GATAD2B: variants seen among roughly 807,000 people sequenced by gnomAD.
The protein encoded by GATAD2B is GATA zinc finger domain containing 2B.
A neutral mutation model predicts 64.3 loss-of-function variants in GATAD2B; 8 were observed. The observed-to-expected ratio is 0.12, with a 90% confidence interval of 0.07 to 0.22. The LOEUF (loss-of-function observed/expected upper bound fraction) is 0.22. Among genes scored for constraint, GATAD2B ranks in the 10% least tolerant of loss-of-function variants. The probability of loss-of-function intolerance (pLI) is 1.00; values close to 1 mark genes in which losing one functional copy is unlikely to be tolerated. For missense variants in GATAD2B, 453 were observed against 752.0 expected (o/e 0.60, Z 4.65); for synonymous variants, 281 against 271.3 (o/e 1.04, Z -0.35).
At chr1:153,819,873 T>C in intron 2 of GATAD2B, 138 bp from the exon 3 acceptor site, 1 of 571,112 alleles carries the variant, frequency 1.8e-6, no homozygotes, top group Non-Finnish European at 2.9e-6. Flanking sequence ...CCGAGGCGGG[T>C]GGAACACCTG....
chr1:153,818,234 T>C, intron 4 of GATAD2B, 63 bp from the exon 5 acceptor site: 1 of 1,455,022 alleles, frequency 6.9e-7, no homozygotes, highest in Admixed American at 2.2e-5. Context: ...TTGGTACATT[T>C]CTAGACTTTA....
In GATAD2B at chr1:153,828,165, A is replaced by G; in HGVS notation, c.183T>C (p.His61=). The G allele has an allele frequency of 1.2e-6, 2 of 1,614,164 alleles. No homozygotes were observed. Among genetic ancestry groups the G allele is most frequent in the Non-Finnish European group, 8.5e-7 (1 of 1,180,020 alleles). The change falls in exon 2 of 11, where the codon CAT becomes CAC. Residue 61 remains histidine, a synonymous_variant. Coordinates refer to ENST00000368655, the MANE Select transcript of GATAD2B (RefSeq NM_020699.4). ...RKDLANLEVP[H]ELPTKQDGSG... is the part of the protein sequence containing the mutation. ...TGCCATCCTGTTTGGTGGGTAACTC[A>G]TGTGGCACCTCAAGATTTGCCAAAT...
chr1:153,835,448 C>T (rs561095571), intron 1 of GATAD2B, among the ~76,000 whole-genome samples: 2 of 151,310 alleles, frequency 1.3e-5, no homozygotes, highest in Non-Finnish European at 2.9e-5. Flanking sequence ...GTTGGGCAGG[C>T]GCAGTGGCTC....
At chr1:153,878,424 C>T (rs116269426) in intron 1 of GATAD2B, among the ~76,000 whole-genome samples, 1 of 152,222 alleles carries the variant, frequency 6.6e-6, no homozygotes, top group African/African-American at 2.4e-5. Flanking sequence ...CTGTGACCAG[C>T]TCATCCTACA....
chr1:153,864,049 G>T (rs1471567478), intron 1 of GATAD2B, among the ~76,000 whole-genome samples: 1 of 152,060 alleles, frequency 6.6e-6, no homozygotes, highest in Non-Finnish European at 1.5e-5. Context: ...ATAATAATAG[G>T]CACTAGGGGA....
intron 2 of GATAD2B, among the ~76,000 whole-genome samples, chr1:153,824,310 C>G (rs1674790883): frequency 2.0e-5 from 3 of 151,996 alleles, no homozygotes; most frequent in African/African-American, 7.2e-5. Context: ...TTTTAAAAAT[C>G]ACCCCAAAAT....
At chr1:153,889,934 G>A (rs1368899209) in intron 1 of GATAD2B, among the ~76,000 whole-genome samples, 2 of 151,950 alleles carry the variant, frequency 1.3e-5, no homozygotes, top group South Asian at 2.1e-4. Flanking sequence ...AGCACTTTGG[G>A]AGGCCAAGGT....
At chr1:153,819,932 C>T (rs1021447224) in intron 2 of GATAD2B, among the ~76,000 whole-genome samples, 197 bp from the exon 3 acceptor site, 4 of 151,956 alleles carry the variant, frequency 2.6e-5, no homozygotes, top group African/African-American at 7.3e-5. Flanking sequence ...AACCCCGTCT[C>T]TACTAAAAAT....
At chr1:153,867,189 G>A (rs563772764) in intron 1 of GATAD2B, among the ~76,000 whole-genome samples, 20 of 152,072 alleles carry the variant, frequency 1.3e-4, no homozygotes, top group Non-Finnish European at 2.6e-4. Flanking sequence ...GTATGGGAAC[G>A]CTACTATTTC....
intron 1 of GATAD2B, among the ~76,000 whole-genome samples, chr1:153,901,692 C>T (rs779314570): frequency 2.0e-5 from 3 of 151,376 alleles, no homozygotes; most frequent in Non-Finnish European, 2.9e-5. Flanking sequence ...GGCATGGTGG[C>T]GTGTACCTGT....
At chr1:153,914,642 G>A (rs1678210458) in intron 1 of GATAD2B, 1 of 152,182 alleles carries the variant, frequency 6.6e-6, no homozygotes, top group African/African-American at 2.4e-5. Context: ...ATAGTAAAAA[G>A]ACACAGCAAG....
At chr1:153,889,413 CA>C (rs71093299) in intron 1 of GATAD2B, among the ~76,000 whole-genome samples, 408 of 67,900 alleles carry the variant, frequency 6.0e-3, no homozygotes, top group African/African-American at 0.015. Context: ...ACCCCGTCTC[CA>C]AAAAAAAAAA....
intron 1 of GATAD2B, among the ~76,000 whole-genome samples, chr1:153,920,217 C>T (rs1424100473): frequency 1.3e-5 from 2 of 152,232 alleles, no homozygotes; most frequent in African/African-American, 4.8e-5. Context: ...ACAAGACTCA[C>T]TGCTTAAAGG....
At chr1:153,876,675 A>T (rs774237854) in intron 1 of GATAD2B, among the ~76,000 whole-genome samples, 1 of 152,216 alleles carries the variant, frequency 6.6e-6, no homozygotes, top group Non-Finnish European at 1.5e-5. Context: ...TCTGACATAC[A>T]CGAAAGCAAA....
intron 3 of GATAD2B, 96 bp from the exon 4 acceptor site, chr1:153,819,018 TC>T: frequency 7.9e-7 from 1 of 1,266,398 alleles, no homozygotes; most frequent in Non-Finnish European, 1.1e-6. Context: ...GAAACCTTCA[TC>T]TTCCACAAGA....
At chr1:153,872,906 T>C (rs550565867) in intron 1 of GATAD2B, among the ~76,000 whole-genome samples, 16 of 152,252 alleles carry the variant, frequency 1.1e-4, no homozygotes, top group Admixed American at 2.0e-4. Context: ...AAAAGCCAAG[T>C]ACTAAAAGGT....
At chr1:153,900,410 C>T (rs996140986) in intron 1 of GATAD2B, among the ~76,000 whole-genome samples, 4 of 151,282 alleles carry the variant, frequency 2.6e-5, no homozygotes, top group East Asian at 1.9e-4. Context: ...ATAGAGACTC[C>T]GTCTCAAAAA....
chr1:153,831,095 G>T (rs1339173179), intron 1 of GATAD2B, among the ~76,000 whole-genome samples: 2 of 152,076 alleles, frequency 1.3e-5, no homozygotes, highest in Admixed American at 6.6e-5. Flanking sequence ...CCAAACTTCT[G>T]AATTTTGGGT....
chr1:153,875,484 C>A (rs544563045), intron 1 of GATAD2B, among the ~76,000 whole-genome samples: 2 of 152,120 alleles, frequency 1.3e-5, no homozygotes, highest in East Asian at 1.9e-4. Flanking sequence ...CTATACCATG[C>A]GGTTCTTACA....
Sources: allele counts gnomAD v4.1 joint callset (sites outside exome capture counted in the v4.1 genomes callset), GRCh38; gene constraint gnomAD v4.1.1; transcripts MANE v1.5; gene names NCBI Gene and HGNC (gene_info 2026-07-23, HGNC 2026-07-21).